DLGAP2: variants seen among roughly 807,000 people sequenced by gnomAD.
DLGAP2 encodes the protein disks large-associated protein 2.
In DLGAP2, 26 loss-of-function variants were observed where a neutral mutation model predicts 100.3. The observed-to-expected ratio is 0.26, with a 90% CI of 0.19 to 0.36. The LOEUF is 0.36. DLGAP2 is among the 10% of genes least tolerant of loss of function. The pLI is 1.00. For missense variants in DLGAP2, 1,858 were observed against 1,453.2 expected (o/e 1.28, Z -4.53); for synonymous variants, 886 against 630.1 (o/e 1.41, Z -6.08).
At chr8:926,076 G>A (rs996970841) in intron 2 of DLGAP2, among the ~76,000 whole-genome samples, 6 of 152,232 alleles carry the variant, frequency 3.9e-5, no homozygotes, top group South Asian at 2.1e-4. Flanking sequence ...GTGTTCTGAC[G>A]CTTTCATGTC....
At chr8:827,222 C>G (rs1261662350) in intron 1 of DLGAP2, among the ~76,000 whole-genome samples, 1 of 152,140 alleles carries the variant, frequency 6.6e-6, no homozygotes, top group East Asian at 1.9e-4. Context: ...TTTGTATTAC[C>G]TAACCTATAA....
chr8:828,630 C>T (rs1210082680), intron 1 of DLGAP2, among the ~76,000 whole-genome samples: 2 of 152,224 alleles, frequency 1.3e-5, no homozygotes, highest in South Asian at 2.1e-4. Context: ...GCATCCTTCT[C>T]GGCTGACAGG....
At chr8:1,299,525 G>A (rs1585235798) in intron 3 of DLGAP2, among the ~76,000 whole-genome samples, 1 of 152,196 alleles carries the variant, frequency 6.6e-6, no homozygotes. Context: ...GGGAGGAACG[G>A]TCCATGCCAA....
Position 1,438,766 on chromosome 8 carries a change from C to T in DLGAP2, c.107-62600C>T, listed in dbSNP as rs551343440. 1.6e-4 allele frequency among the ~76,000 whole-genome samples: 24 copies of T among 152,282 alleles called. 1 individual carries two copies. In the South Asian group the frequency reaches 4.8e-3, roughly 30 times the overall value. ...AACAACGAAATTCTTAGAATGGAGG[C>T]GGCAGCAGGCTCTAAAGATATGTTG... On this transcript the variant is annotated intron_variant, in intron 3 of 14. Coordinates refer to ENST00000637795, the MANE Select transcript of DLGAP2 (RefSeq NM_001346810.2).
chr8:1,360,780 C>A (rs546034063), intron 3 of DLGAP2, among the ~76,000 whole-genome samples: 1 of 152,136 alleles, frequency 6.6e-6, no homozygotes, highest in African/African-American at 2.4e-5. Flanking sequence ...TCTTGTGTGG[C>A]CTGACACGGT....
chr8:1,451,389 C>A (rs957731825), intron 3 of DLGAP2, among the ~76,000 whole-genome samples: 1 of 152,174 alleles, frequency 6.6e-6, no homozygotes, highest in African/African-American at 2.4e-5. Flanking sequence ...CCTCCAGCCA[C>A]CTCCTGCCAG....
chr8:819,322 C>T (rs543237869), intron 1 of DLGAP2, among the ~76,000 whole-genome samples: 3 of 152,206 alleles, frequency 2.0e-5, no homozygotes, highest in East Asian at 1.9e-4. Context: ...ACATAGCAGC[C>T]ATCTGTGATA....
intron 3 of DLGAP2, among the ~76,000 whole-genome samples, chr8:1,373,469 T>C (rs1475647264): frequency 6.6e-6 from 1 of 152,248 alleles, no homozygotes; most frequent in Admixed American, 6.5e-5. Context: ...GAGACCCGAA[T>C]CCGGGATCAG....
intron 2 of DLGAP2, among the ~76,000 whole-genome samples, chr8:1,222,245 G>A (rs189461801): frequency 4.6e-4 from 70 of 152,300 alleles, no homozygotes; most frequent in African/African-American, 1.6e-3. Flanking sequence ...CTATCTTTTG[G>A]ATGGGGCTTT....
chr8:915,808 C>T (rs1054721249), intron 2 of DLGAP2, among the ~76,000 whole-genome samples: 3 of 151,550 alleles, frequency 2.0e-5, no homozygotes, highest in Non-Finnish European at 4.4e-5. Flanking sequence ...CATGAGTCCT[C>T]CTCATTGTAG....
intron 3 of DLGAP2, among the ~76,000 whole-genome samples, chr8:1,350,900 A>C (rs375081423): frequency 4.5e-5 from 5 of 111,410 alleles, no homozygotes; most frequent in South Asian, 3.5e-4. Flanking sequence ...GTGCGTGGAA[A>C]GGCCGTGCGG....
At chr8:800,454 T>C (rs1343407539) in intron 1 of DLGAP2, among the ~76,000 whole-genome samples, 1 of 152,152 alleles carries the variant, frequency 6.6e-6, no homozygotes, top group Non-Finnish European at 1.5e-5. Context: ...CAGCCCTGGC[T>C]CTCATGGCGG....
At chr8:935,725 G>A (rs1245648414) in intron 2 of DLGAP2, among the ~76,000 whole-genome samples, 1 of 152,124 alleles carries the variant, frequency 6.6e-6, no homozygotes, top group African/African-American at 2.4e-5. Flanking sequence ...CAGCCCAGGA[G>A]CCGTGCGTCC....
intron 2 of DLGAP2, among the ~76,000 whole-genome samples, chr8:1,049,759 G>A (rs1362100049): frequency 6.6e-6 from 1 of 151,900 alleles, no homozygotes; most frequent in Non-Finnish European, 1.5e-5. Flanking sequence ...ACACACAGAC[G>A]GTGCATAGAC....
intron 7 of DLGAP2, among the ~76,000 whole-genome samples, chr8:1,627,916 T>C (rs113717326): frequency 0.057 from 5,970 of 105,256 alleles, 166 homozygotes; most frequent in African/African-American, 0.081. Context: ...CTCACATTCT[T>C]TCTGACTTAC....
intron 2 of DLGAP2, among the ~76,000 whole-genome samples, chr8:1,122,742 C>G (rs560031968): frequency 1.6e-4 from 25 of 152,202 alleles, no homozygotes; most frequent in African/African-American, 6.0e-4. Context: ...TTTCCTCCCT[C>G]CCTTCATCTT....
intron 6 of DLGAP2, among the ~76,000 whole-genome samples, chr8:1,600,242 C>G (rs544458064): frequency 6.6e-6 from 1 of 152,314 alleles, no homozygotes; most frequent in East Asian, 1.9e-4. Flanking sequence ...GAGATATCCA[C>G]TGTTAGTCTA....
rs1392991122 is a variant in DLGAP2, at chr8:1,287,821, GT to G, written c.106+28942del. 3.9e-5 allele frequency among the ~76,000 whole-genome samples: 5 copies of G among 127,262 alleles called. 1 individual carries two copies. Among genetic ancestry groups the G allele is most frequent in the Non-Finnish European group, 4.8e-5 (3 of 62,362 alleles). The allele number at this position is 127,262 out of a possible 152,430, so 83.5% of individuals were successfully genotyped here. On this transcript the variant is annotated intron_variant, in intron 3 of 14. Coordinates refer to ENST00000637795, the MANE Select transcript of DLGAP2 (RefSeq NM_001346810.2). The stretch of plus-strand genomic sequence containing the variant: ...TGTGGTTCTGTTAGGACGGGAACTA[GT>G]TTTGGTTCAGCGTGTGTGTGTGTGT...
At chr8:1,354,106 T>G (rs1801795186) in intron 3 of DLGAP2, among the ~76,000 whole-genome samples, 1 of 152,160 alleles carries the variant, frequency 6.6e-6, no homozygotes. Flanking sequence ...TTCATTAACT[T>G]CACCCAGAAA....
Sources: gnomAD v4.1 joint callset for allele counts (sites outside exome capture counted in the v4.1 genomes callset) on GRCh38, gnomAD v4.1.1 for gene constraint, MANE v1.5 for transcripts, NCBI Gene and HGNC (gene_info 2026-07-23, HGNC 2026-07-21) for gene names.